Variants in FBXO41 observed in about 807,000 individuals in gnomAD.
FBXO41 encodes F-box protein 41, also known as F-box only protein 41.
FBXO41 carries 33 observed loss-of-function variants against 81.6 expected under a neutral mutation model. The ratio of observed to expected loss-of-function variants is 0.40; its 90% confidence interval spans 0.31 to 0.54. FBXO41 has a LOEUF of 0.54. Among genes scored for constraint, FBXO41 ranks in the 20% least tolerant of loss-of-function variants. FBXO41 has a pLI of 0.39. For synonymous variants in FBXO41, 576 were observed against 552.7 expected (o/e 1.04, Z -0.59); for missense variants, 1,107 against 1,236.0 (o/e 0.90, Z 1.56).
At position 73,260,933 on chromosome 2, in the gene FBXO41, C is replaced by A; in HGVS notation, c.2172-75G>T. 2 of 1,271,296 alleles carry A rather than the reference C, an allele frequency of 1.6e-6. No individual in the cohort carries two copies. Among genetic ancestry groups the A allele is most frequent in the East Asian group, 2.5e-5 (1 of 39,230 alleles). 78.8% of individuals were successfully genotyped at this position (1,271,296 alleles called of 1,614,324 possible). A position where few individuals can be genotyped will look rare whatever the true frequency, so the allele number is the denominator to read the frequency against. On this transcript the variant is annotated intron_variant, in intron 9 of 12. Transcript: ENST00000520530. The surrounding 1 kb of genome is among the most constrained non-coding windows in gnomAD (Gnocchi z 5.0). Reference sequence around the variant, plus strand: ...AACCCAGCATGCTCCTCCTGTGGGACCCCTCCCTGACTCAGGCAAGCATTC... The same window carrying A: ...AACCCAGCATGCTCCTCCTGTGGGAACCCTCCCTGACTCAGGCAAGCATTC...
rs1688371327 is a variant in FBXO41, at chr2:73,268,766, C to A, written c.865G>T (p.Asp289Tyr). 1 of 1,571,870 alleles carries A rather than the reference C, an allele frequency of 6.4e-7. No individual in the cohort carries two copies. Among genetic ancestry groups the A allele is most frequent in the Admixed American group, 1.8e-5 (1 of 55,196 alleles). ...AGCTCCTGTTCCTTGTGCACCAGGTCCTGCTTGAGTGAGGCCAGCAGCTCT... is the reference window on the plus strand; with the variant it reads ...AGCTCCTGTTCCTTGTGCACCAGGTACTGCTTGAGTGAGGCCAGCAGCTCT... Reference protein sequence around the residue: ...SVELLASLKQDLVHKEQELSR... With the variant: ...SVELLASLKQYLVHKEQELSR... Residue 289 changes from aspartate to tyrosine, a missense_variant, in exon 2 of 13, where the codon GAC becomes TAC. By Grantham distance (160) the Asp-to-Tyr change is radical. This residue lies in a region of FBXO41 where 771 missense variants were observed against 789.2 expected (regional missense o/e 0.98). Transcript: ENST00000520530.
intron 1 of FBXO41, chr2:73,272,880 C>T (rs1688581487): frequency 6.6e-6 from 1 of 152,208 alleles, no homozygotes; most frequent in South Asian, 2.1e-4. Flanking sequence ...GCCAGAAAGC[C>T]CCCACAAACC....
In FBXO41 at chr2:73,266,703, T is replaced by C; in HGVS notation, c.906-21A>G. 1.3e-6 allele frequency: 2 copies of C among 1,537,274 alleles called. No individual in the cohort carries two copies. Among genetic ancestry groups the C allele is most frequent in the Non-Finnish European group, 1.8e-6 (2 of 1,140,652 alleles). On this transcript the variant is annotated intron_variant, in intron 2 of 12. Coordinates refer to ENST00000520530, the MANE Select transcript of FBXO41 (RefSeq NM_001371389.2). This position sits in a 1 kb window ranked among gnomAD's most constrained non-coding sequence, Gnocchi z 5.3. ...CCTCCCTGGGCCCAGAGCAGTCTCTTACCCCAGAGCCTCAGCCTGCCTGCC... is the reference window on the plus strand; with the variant it reads ...CCTCCCTGGGCCCAGAGCAGTCTCTCACCCCAGAGCCTCAGCCTGCCTGCC...
intron 1 of FBXO41, chr2:73,271,002 T>C: frequency 2.0e-6 from 1 of 505,998 alleles, no homozygotes; most frequent in Admixed American, 2.1e-5. Flanking sequence ...GTCTGGATTT[T>C]CCCCTGGGTT....
Position 73,258,659 on chromosome 2 carries a change from T to C in FBXO41, c.*323A>G, listed in dbSNP as rs561109380. The C allele has an allele frequency of 6.1e-6, 2 of 327,980 alleles. No individual in the cohort carries two copies. Among genetic ancestry groups the C allele is most frequent in the East Asian group, 9.6e-5 (2 of 20,936 alleles). 20.3% of individuals were successfully genotyped at this position (327,980 alleles called of 1,614,324 possible). Reference sequence around the variant, plus strand: ...GAACAGCTGAGGAGCCACTGGGTGGTTATTGCAGATCCTCCAGGTGATGAC... The same window carrying C: ...GAACAGCTGAGGAGCCACTGGGTGGCTATTGCAGATCCTCCAGGTGATGAC... On this transcript the variant is annotated 3_prime_UTR_variant, in exon 13 of 13. Transcript: ENST00000520530.
intron 1 of FBXO41, chr2:73,271,623 T>TACCCC (rs1688492959): frequency 9.3e-6 from 1 of 107,640 alleles, no homozygotes; most frequent in African/African-American, 3.6e-5. Context: ...AATTCTGCAC[T>TACCCC]CCCCCCCCCC....
rs936712741 is a variant in FBXO41 at position 73,269,392 on chromosome 2, C to A, written c.239G>T (p.Arg80Leu). The change falls in exon 2 of 13, where the codon CGG becomes CTG. Residue 80 changes from arginine (R) to leucine (L), a missense_variant. Arg to Leu is a moderately radical substitution (Grantham distance 102). Transcript: ENST00000520530. The surrounding 1 kb of genome is among the most constrained non-coding windows in gnomAD (Gnocchi z 7.0). Reference protein sequence around the residue: ...PAALLAVPGARREVFESTSFQ... With the variant: ...PAALLAVPGALREVFESTSFQ... ...GGAAGTGCTCTCGAAGACCTCTCGC[C>A]GGGCGCCGGGCACGGCCAGCAGGGC... 2.0e-6 allele frequency: 3 copies of A among 1,470,164 alleles called. No individual in the cohort carries two copies. Among genetic ancestry groups the A allele is most frequent in the South Asian group, 1.3e-5 (1 of 77,234 alleles). The allele number at this position is 1,470,164 out of a possible 1,614,324, so 91.1% of individuals were successfully genotyped here. A position where few individuals can be genotyped will look rare whatever the true frequency, so the allele number is the denominator to read the frequency against.
Position 73,259,108 on chromosome 2 carries a change from C to A in FBXO41, c.2566-64G>T. On this transcript the variant is annotated intron_variant, in intron 12 of 12. Transcript: ENST00000520530. This position sits in a 1 kb window ranked among gnomAD's most constrained non-coding sequence, Gnocchi z 4.2. ...AGGCAGGTGGGGCCCTCCTGCCACA[C>A]TCACCCAGGTCACCAGCCCCAGTCT... The A allele has an allele frequency of 6.2e-7, 1 of 1,610,092 alleles. No individual in the cohort carries two copies. The highest frequency in any genetic ancestry group is 1.1e-5 in the South Asian group (1 of 90,716).
At chr2:73,279,845 C>G (rs1384183305) in intron 1 of FBXO41, among the ~76,000 whole-genome samples, 2 of 152,144 alleles carry the variant, frequency 1.3e-5, no homozygotes, top group Non-Finnish European at 2.9e-5. Flanking sequence ...TACTGTATAT[C>G]TTCACTTCCG....
At position 73,255,274 on chromosome 2, in the gene FBXO41, T is replaced by C. The variant is rs943741210; in HGVS notation, c.*3708A>G. On this transcript the variant is annotated 3_prime_UTR_variant, in exon 13 of 13. Coordinates refer to ENST00000520530, the MANE Select transcript of FBXO41 (RefSeq NM_001371389.2). ...TTGGGACTGGCTGAGGTCCCAAGGG[T>C]TTGGGGAGGGAGTCGTTGCCTTAGC... The C allele has an allele frequency of 2.0e-4, 30 of 152,410 alleles. No homozygotes were observed. The highest frequency in any genetic ancestry group is 7.3e-4 in the African/African-American group (30 of 41,376). 9.4% of individuals were successfully genotyped at this position (152,410 alleles called of 1,614,324 possible). A position where few individuals can be genotyped will look rare whatever the true frequency, so the allele number is the denominator to read the frequency against.
At position 73,269,805 on chromosome 2, in the gene FBXO41, C is replaced by A; in HGVS notation, c.-138-37G>T. The A allele has an allele frequency of 4.0e-6, 1 of 248,502 alleles. No homozygotes were observed. The highest frequency in any genetic ancestry group is 7.2e-6 in the Non-Finnish European group (1 of 139,760). The allele number at this position is 248,502 out of a possible 1,614,324, so 15.4% of individuals were successfully genotyped here. A position where few individuals can be genotyped will look rare whatever the true frequency, so the allele number is the denominator to read the frequency against. ...GCGATGAGTCTTAGGAAGAGGGTATCGCTGCTCCCACCCTGGCTCCCAGCC... is the reference window on the plus strand; with the variant it reads ...GCGATGAGTCTTAGGAAGAGGGTATAGCTGCTCCCACCCTGGCTCCCAGCC... On this transcript the variant is annotated intron_variant, in intron 1 of 12. Coordinates refer to ENST00000520530, the MANE Select transcript of FBXO41 (RefSeq NM_001371389.2). The surrounding 1 kb of genome is among the most constrained non-coding windows in gnomAD (Gnocchi z 7.0).
rs1553384792 is a variant in FBXO41 at position 73,271,633 on chromosome 2, C to CCCG, written c.-138-1866_-138-1865insCGG. 6 of 147,980 alleles carry CCCG rather than the reference C, an allele frequency of 4.1e-5. 1 individual carries two copies. Among genetic ancestry groups the CCCG allele is most frequent in the Non-Finnish European group, 7.4e-5 (5 of 67,318 alleles). 9.2% of individuals were successfully genotyped at this position (147,980 alleles called of 1,614,324 possible). On this transcript the variant is annotated intron_variant, in intron 1 of 12. Coordinates refer to ENST00000520530, the MANE Select transcript of FBXO41 (RefSeq NM_001371389.2). ...CAATCAATTCTGCACTCCCCCCCCC[C>CCCG]CAACTTCTTTTTTTTGAGATGGAGT...
chr2:73,264,923 C>T (rs1272460470), intron 5 of FBXO41, among the ~76,000 whole-genome samples: 1 of 152,078 alleles, frequency 6.6e-6, no homozygotes, highest in Non-Finnish European at 1.5e-5. Context: ...GCCCTCTCAC[C>T]TCCCAAACCA....
chr2:73,281,107 G>C (rs1438397026), intron 1 of FBXO41, among the ~76,000 whole-genome samples: 1 of 152,194 alleles, frequency 6.6e-6, no homozygotes, highest in African/African-American at 2.4e-5. Context: ...GGGCTTGTCT[G>C]CTTCATTCCA....
rs371769594 is a variant in FBXO41, at chr2:73,269,481, G to A, written c.150C>T (p.Gly50=). 7.8e-7 allele frequency: 1 copy of A among 1,285,094 alleles called. No homozygotes were observed. Among genetic ancestry groups the A allele is most frequent in the Non-Finnish European group, 9.9e-7 (1 of 1,012,142 alleles). 79.6% of individuals were successfully genotyped at this position (1,285,094 alleles called of 1,614,324 possible). The part of the protein sequence containing the change: ...ILSKTNSICD[G]AAAAAAAAAA... ...CGGCGGCGGCCGCGGCGGCGGCGGCGCCGTCGCAGATGCTGTTGGTCTTGG... is the reference window on the plus strand; with the variant it reads ...CGGCGGCGGCCGCGGCGGCGGCGGCACCGTCGCAGATGCTGTTGGTCTTGG... Residue 50 remains glycine, a synonymous_variant, in exon 2 of 13, where the codon GGC becomes GGT. Coordinates refer to ENST00000520530, the MANE Select transcript of FBXO41 (RefSeq NM_001371389.2). The surrounding 1 kb of genome is among the most constrained non-coding windows in gnomAD (Gnocchi z 7.0).
chr2:73,265,554 G>C lies in FBXO41; in HGVS notation c.1292C>G (p.Ala431Gly). ...SLELPRPEEG[A>G]PEDSGPGGLG... ...GCCCCCAGGGCCACTGTCCTCAGGG[G>C]CCCCCTCCTCTGGCCTGGGCAGCTC... The change falls in exon 5 of 13, where the codon GCC (alanine) becomes GGC (glycine). Residue 431 changes from alanine (A) to glycine (G), a missense_variant. Physicochemically the swap from Ala to Gly is moderately conservative, Grantham distance 60 (BLOSUM62 0). Around this residue, in one of 2 missense-constraint regions of FBXO41, gnomAD observed 771 missense variants for 789.2 expected, o/e 0.98. Transcript: ENST00000520530. The C allele has an allele frequency of 6.3e-7, 1 of 1,581,762 alleles. No homozygotes were observed.
Position 73,266,698 on chromosome 2 carries a change from T to C in FBXO41, c.906-16A>G. On this transcript the variant is annotated splice_polypyrimidine_tract_variant and intron_variant, in intron 2 of 12. Coordinates refer to ENST00000520530, the MANE Select transcript of FBXO41 (RefSeq NM_001371389.2). This position sits in a 1 kb window ranked among gnomAD's most constrained non-coding sequence, Gnocchi z 5.3. The stretch of plus-strand genomic sequence containing the variant: ...CACCACCTCCCTGGGCCCAGAGCAG[T>C]CTCTTACCCCAGAGCCTCAGCCTGC... 1 of 1,547,858 alleles carries C rather than the reference T, an allele frequency of 6.5e-7. No individual in the cohort carries two copies. The highest frequency in any genetic ancestry group is 8.7e-7 in the Non-Finnish European group (1 of 1,145,972).
At chr2:73,267,048 C>G (rs985221406) in intron 2 of FBXO41, among the ~76,000 whole-genome samples, 1 of 152,152 alleles carries the variant, frequency 6.6e-6, no homozygotes, top group Non-Finnish European at 1.5e-5. Context: ...ATGCCATAAC[C>G]AGACACATCT....
In FBXO41 at chr2:73,266,398, G is replaced by A; in HGVS notation, c.1131+59C>T. The A allele has an allele frequency of 1.4e-6, 2 of 1,431,844 alleles. No homozygotes were observed. Among genetic ancestry groups the A allele is most frequent in the Non-Finnish European group, 1.8e-6 (2 of 1,083,390 alleles). 88.7% of individuals were successfully genotyped at this position (1,431,844 alleles called of 1,614,324 possible). A position where few individuals can be genotyped will look rare whatever the true frequency, so the allele number is the denominator to read the frequency against. ...GGGGGAGATGTCCAGCCATGTGAAA[G>A]GTGAGGTTGTGGGGGGCCAGGTGTG... On this transcript the variant is annotated intron_variant, in intron 3 of 12. Coordinates refer to ENST00000520530, the MANE Select transcript of FBXO41 (RefSeq NM_001371389.2). The surrounding 1 kb of genome is among the most constrained non-coding windows in gnomAD (Gnocchi z 5.3).
Sources: gnomAD v4.1 joint callset for allele counts (sites outside exome capture counted in the v4.1 genomes callset) on GRCh38, gnomAD v4.1.1 for gene constraint, gnomAD v4.1.1 regional missense constraint, Gnocchi (gnomAD v3.1) non-coding constraint, MANE v1.5 for transcripts, NCBI Gene and HGNC (gene_info 2026-07-23, HGNC 2026-07-21) for gene names.